The following AMY2A variants were observed in gnomAD, a reference collection of about 807,000 sequenced individuals.
AMY2A encodes amylase alpha 2A.
In AMY2A, 16 loss-of-function variants were observed where a neutral mutation model predicts 43.0. The ratio of observed to expected loss-of-function variants is 0.37; its 90% CI spans 0.25 to 0.56. AMY2A has a LOEUF of 0.56. AMY2A is among the 20% of genes least tolerant of loss of function. AMY2A has a pLI of 0.77. For missense variants in AMY2A, 212 were observed against 456.8 expected, an observed-to-expected ratio of 0.46 and a Z score of 4.89; for synonymous variants, 70 against 144.6, an observed-to-expected ratio of 0.48 and a Z score of 3.70.
intron 4 of AMY2A, among the ~76,000 whole-genome samples, 163 bp from the exon 5 acceptor site, chr1:103,620,388 C>A (rs1653206010): frequency 7.6e-6 from 1 of 130,768 alleles, no homozygotes. Context: ...AAGACCCTGT[C>A]TCTAAAAAAC....
upstream of AMY2A, chr1:103,617,048 G>T: frequency 1.0e-6 from 1 of 978,726 alleles, no homozygotes; most frequent in Non-Finnish European, 1.3e-6. Flanking sequence ...GAAGGGGTTC[G>T]CATTTATACC....
intron 2 of AMY2A, among the ~76,000 whole-genome samples, 157 bp downstream of exon 2, chr1:103,618,257 C>A (rs1301427787): frequency 6.6e-6 from 1 of 150,436 alleles, no homozygotes; most frequent in African/African-American, 2.4e-5. Flanking sequence ...TTATGTTCAA[C>A]TTTTGTGAAT....
rs745873363 is a variant in AMY2A, at chr1:103,618,288, C to G, written c.315+188C>G. ...TGAATATTTGTGTGTGTGCTATCTA[C>G]TAAAGAGGTAAGTTAAAGTTTAAAT... is the stretch of plus-strand genomic sequence containing the variant. On this transcript the variant is annotated intron_variant, in intron 2 of 9. Transcript: ENST00000414303. Among the ~76,000 whole-genome samples the G allele has an allele frequency of 3.7e-4, 55 of 150,518 alleles. 5 individuals are homozygous for G. Among genetic ancestry groups the G allele is most frequent in the Non-Finnish European group, 6.8e-4 (46 of 67,244 alleles).
At chr1:103,616,903 G>T, upstream of AMY2A, 1 of 809,962 alleles carries the variant, frequency 1.2e-6, no homozygotes, top group Non-Finnish European at 1.5e-6. Context: ...CTAGAGGCTG[G>T]TAAGGGCTTC....
Position 103,617,592 on chromosome 1 carries a change from G to C in AMY2A, c.152G>C (p.Gly51Ala). 1.1e-5 allele frequency: 18 copies of C among 1,601,018 alleles called. 2 individuals are homozygous for C. Among genetic ancestry groups the C allele is most frequent in the Non-Finnish European group, 1.5e-5 (17 of 1,170,928 alleles). ...TGTGAGCGATATTTAGCTCCGAAGG[G>C]ATTTGGAGGGGTTCAGGTGGGTATG... Reference protein sequence around the residue: ...LECERYLAPKGFGGVQVSPPN... With the variant: ...LECERYLAPKAFGGVQVSPPN... Residue 51 changes from glycine (G) to alanine (A), a missense_variant, in exon 1 of 10, where the codon GGA becomes GCA. Around this residue, in one of 2 missense-constraint regions of AMY2A, gnomAD observed 199 missense variants for 210.6 expected, o/e 0.94. Coordinates refer to ENST00000414303, the MANE Select transcript of AMY2A (RefSeq NM_000699.4).
At chr1:103,624,055 G>C (rs1653261325) in intron 8 of AMY2A, 41 bp from the exon 9 acceptor site, 1 of 1,578,086 alleles carries the variant, frequency 6.3e-7, no homozygotes, top group Non-Finnish European at 8.7e-7. Context: ...AACAGTTGAA[G>C]TTTAAGAATA....
rs1034067183 is a variant in AMY2A at position 103,619,197 on chromosome 1, G to C, written c.513+89G>C. ...AGCTAATTGAATTTCATTTAAAATAGGAATTTAGATCTCTTAGGGACAGAA... is the reference window on the plus strand; with the variant it reads ...AGCTAATTGAATTTCATTTAAAATACGAATTTAGATCTCTTAGGGACAGAA... On this transcript the variant is annotated intron_variant, in intron 3 of 9. Transcript: ENST00000414303. 20 of 586,222 alleles carry C rather than the reference G, an allele frequency of 3.4e-5. 1 individual carries two copies. The highest frequency in any genetic ancestry group is 5.4e-5 in the Non-Finnish European group (18 of 336,250). The allele number at this position is 586,222 out of a possible 1,614,324, so 36.3% of individuals were successfully genotyped here.
chr1:103,617,103 T>C, upstream of AMY2A: 1 of 967,996 alleles, frequency 1.0e-6, no homozygotes, highest in Non-Finnish European at 1.3e-6. Context: ...TTTTTTTGTA[T>C]GCCATTCTGG....
rs201184466 is a variant in AMY2A at position 103,618,115 on chromosome 1, G to T, written c.315+15G>T. 19 of 1,590,552 alleles carry T rather than the reference G, an allele frequency of 1.2e-5. 1 individual carries two copies. In the East Asian group the frequency reaches 1.8e-4, roughly 15 times the overall value. On this transcript the variant is annotated intron_variant, in intron 2 of 9. Coordinates refer to ENST00000414303, the MANE Select transcript of AMY2A (RefSeq NM_000699.4). Reference sequence around the variant, plus strand: ...ACAATGTTGGGGTAAGTGAATTCTAGTTTCCTTTAAAAATAACAGACAGGA... The same window carrying T: ...ACAATGTTGGGGTAAGTGAATTCTATTTTCCTTTAAAAATAACAGACAGGA...
rs560626869 is a variant in AMY2A, at chr1:103,617,871, T to G, written c.169-83T>G. The G allele has an allele frequency of 9.5e-6, 15 of 1,585,822 alleles. 1 individual carries two copies. Among genetic ancestry groups the G allele is most frequent in the Non-Finnish European group, 1.1e-5 (13 of 1,163,662 alleles). ...CCTATACCAAGATTCAAGAATCTTT[T>G]ATACTATTGATTAGTTTCTAGAACA... is the stretch of plus-strand genomic sequence containing the variant. On this transcript the variant is annotated intron_variant, in intron 1 of 9. Transcript: ENST00000414303.
upstream of AMY2A, chr1:103,617,098 T>C (rs1653096788): frequency 1.0e-6 from 1 of 968,392 alleles, no homozygotes; most frequent in African/African-American, 1.6e-5. Context: ...TAAAGTTTTT[T>C]TGTATGCCAT....
intron 3 of AMY2A, among the ~76,000 whole-genome samples, 163 bp downstream of exon 3, chr1:103,619,271 T>C (rs1570667839): frequency 6.7e-6 from 1 of 149,682 alleles, no homozygotes; most frequent in Non-Finnish European, 1.5e-5. Context: ...ATTTAAGAAC[T>C]TTCAAATATT....
In AMY2A at chr1:103,617,540, T is replaced by A. The variant is rs761132631; in HGVS notation, c.100T>A (p.Trp34Arg). ...GRTSIVHLFE[W>R]RWVDIALECE... The stretch of plus-strand genomic sequence containing the variant: ...GACATCTATTGTTCATCTGTTTGAA[T>A]GGCGATGGGTTGATATTGCTCTTGA... The change falls in exon 1 of 10, where the codon TGG (tryptophan) becomes AGG (arginine). Residue 34 changes from tryptophan (W) to arginine (R), a missense_variant. Transcript: ENST00000414303. 6.2e-7 allele frequency: 1 copy of A among 1,600,914 alleles called. No individual in the cohort carries two copies. Among genetic ancestry groups the A allele is most frequent in the Non-Finnish European group, 8.5e-7 (1 of 1,170,880 alleles).
chr1:103,619,217 AC>A, intron 3 of AMY2A, 109 bp downstream of exon 3: 1 of 609,746 alleles, frequency 1.6e-6, no homozygotes, highest in Non-Finnish European at 2.9e-6. Flanking sequence ...TCTCTTAGGG[AC>A]AGAAGTTAAC....
In AMY2A at chr1:103,618,364, C is replaced by T. The variant is rs564640368; in HGVS notation, c.315+264C>T. Among the ~76,000 whole-genome samples the T allele has an allele frequency of 2.0e-5, 3 of 150,684 alleles. No homozygotes were observed. In the South Asian group the frequency reaches 6.3e-4, roughly 32 times the overall value. On this transcript the variant is annotated intron_variant, in intron 2 of 9. Transcript: ENST00000414303. ...TCAAATTTTAACCCTTATAACTGTT[C>T]GTATTTCCCGGAAACAATTTACTGG... is the stretch of plus-strand genomic sequence containing the variant.
intron 1 of AMY2A, 98 bp from the exon 2 acceptor site, chr1:103,617,856 G>A: frequency 6.4e-7 from 1 of 1,572,474 alleles, no homozygotes; most frequent in African/African-American, 1.4e-5. Flanking sequence ...CCTATACCAA[G>A]ATTCAAGAAT....
At chr1:103,617,767 C>A (rs1368862895) in intron 1 of AMY2A, among the ~76,000 whole-genome samples, 159 bp downstream of exon 1, 1 of 150,558 alleles carries the variant, frequency 6.6e-6, no homozygotes, top group Non-Finnish European at 1.5e-5. Flanking sequence ...TTCTTGGCAA[C>A]TTTATATTTT....
upstream of AMY2A, chr1:103,616,814 C>T (rs1653089101): frequency 4.8e-6 from 1 of 208,242 alleles, no homozygotes; most frequent in African/African-American, 2.3e-5. Context: ...ACCAGTCTGG[C>T]TCGGTGAGTC....
At chr1:103,618,150 C>T (rs202119016) in intron 2 of AMY2A, 50 bp downstream of exon 2, 17 of 1,574,966 alleles carry the variant, frequency 1.1e-5, no homozygotes, top group African/African-American at 8.1e-5. Flanking sequence ...AAAATGGTTT[C>T]TCTCTCTTCT....
Sources: gnomAD v4.1 joint callset for allele counts (sites outside exome capture counted in the v4.1 genomes callset) on GRCh38, gnomAD v4.1.1 for gene constraint, gnomAD v4.1.1 regional missense constraint, MANE v1.5 for transcripts, NCBI Gene and HGNC (gene_info 2026-07-23, HGNC 2026-07-21) for gene names.